Variants in POU6F2 observed in about 807,000 individuals in gnomAD.
POU6F2 encodes the protein POU domain, class 6, transcription factor 2.
POU6F2 carries 31 observed loss-of-function variants against 71.3 expected under a neutral mutation model. The observed-to-expected ratio is 0.43, with a 90% CI of 0.33 to 0.59. The LOEUF is 0.59. POU6F2 is among the 20% of genes least tolerant of loss of function. The pLI is 0.04. For synonymous variants in POU6F2, 347 were observed against 355.7 expected, an observed-to-expected ratio of 0.98 and a Z score of 0.27; for missense variants, 783 against 856.8, an observed-to-expected ratio of 0.91 and a Z score of 1.07.
At chr7:39,356,981 A>G (rs1161419348) in intron 5 of POU6F2, among the ~76,000 whole-genome samples, 1 of 152,180 alleles carries the variant, frequency 6.6e-6, no homozygotes, top group Non-Finnish European at 1.5e-5. Flanking sequence ...CCTTTTCCCT[A>G]CCATCTCAAT....
In POU6F2 at chr7:39,464,170, T is replaced by C. The variant is rs1258317653; in HGVS notation, c.1659-12T>C. ...CAGTGTAAGACTGTTCTTTCTCAATTTTCCCCCCCAGACACACCATCCTGA... is the reference window on the plus strand; with the variant it reads ...CAGTGTAAGACTGTTCTTTCTCAATCTTCCCCCCCAGACACACCATCCTGA... On this transcript the variant is annotated splice_polypyrimidine_tract_variant and intron_variant, in intron 9 of 9. Transcript: ENST00000518318. The surrounding 1 kb of genome is among the most constrained non-coding windows in gnomAD (Gnocchi z 4.1). The C allele has an allele frequency of 1.9e-6, 3 of 1,610,942 alleles. No homozygotes were observed. Among genetic ancestry groups the C allele is most frequent in the Admixed American group, 3.3e-5 (2 of 59,804 alleles).
intron 4 of POU6F2, among the ~76,000 whole-genome samples, chr7:39,281,222 C>T (rs570232614): frequency 6.6e-5 from 10 of 152,030 alleles, no homozygotes; most frequent in Non-Finnish European, 1.5e-4. Flanking sequence ...TGTCTTGATA[C>T]ATGTGTGCAT....
chr7:39,171,175 A>G (rs892549118), intron 2 of POU6F2, among the ~76,000 whole-genome samples: 14 of 151,904 alleles, frequency 9.2e-5, no homozygotes, highest in Admixed American at 6.6e-4. Context: ...ATTTGTCCTA[A>G]TGTTCTCCCT....
At chr7:39,052,710 A>C (rs1291512217) in intron 1 of POU6F2, among the ~76,000 whole-genome samples, 6 of 152,244 alleles carry the variant, frequency 3.9e-5, no homozygotes, top group Middle Eastern at 3.4e-3. Flanking sequence ...GATATATCTA[A>C]TGGCAAAGCC....
At chr7:39,060,979 T>C (rs2128716035) in intron 1 of POU6F2, among the ~76,000 whole-genome samples, 1 of 151,814 alleles carries the variant, frequency 6.6e-6, no homozygotes, top group South Asian at 2.1e-4. Context: ...TATTGAAGAC[T>C]GCAAAGAGCT....
At chr7:39,271,799 A>G (rs1784345162) in intron 4 of POU6F2, among the ~76,000 whole-genome samples, 1 of 152,224 alleles carries the variant, frequency 6.6e-6, no homozygotes, top group Non-Finnish European at 1.5e-5. Flanking sequence ...AGCCGTTCAA[A>G]TCGTCATTCA....
intron 5 of POU6F2, among the ~76,000 whole-genome samples, chr7:39,341,877 G>A (rs1785924608): frequency 6.6e-6 from 1 of 152,166 alleles, no homozygotes; most frequent in Non-Finnish European, 1.5e-5. Context: ...AAGTGACCAC[G>A]CAGCCTCATG....
chr7:39,002,084 A>T (rs1221995168), intron 1 of POU6F2: 1 of 152,258 alleles, frequency 6.6e-6, no homozygotes, highest in Non-Finnish European at 1.5e-5. Flanking sequence ...TAGAAATAAC[A>T]GACAGGATGA....
rs1793539985 is a variant in POU6F2 at position 39,186,357 on chromosome 7, G to A, written c.278-17878G>A. Among the ~76,000 whole-genome samples, 2 of 152,184 alleles carry A rather than the reference G, an allele frequency of 1.3e-5. 1 individual carries two copies. Among genetic ancestry groups the A allele is most frequent in the South Asian group, 4.1e-4 (2 of 4,832 alleles). On this transcript the variant is annotated intron_variant, in intron 2 of 9. Coordinates refer to ENST00000518318, the MANE Select transcript of POU6F2 (RefSeq NM_001370959.1). ...ACCAGCAGAATCCAGCCTGGGCTCTGAGCAAGCGTTTGCTACTTGGTTAAG... is the reference window on the plus strand; with the variant it reads ...ACCAGCAGAATCCAGCCTGGGCTCTAAGCAAGCGTTTGCTACTTGGTTAAG...
At chr7:39,402,732 C>G (rs976093918) in intron 5 of POU6F2, among the ~76,000 whole-genome samples, 1 of 152,032 alleles carries the variant, frequency 6.6e-6, no homozygotes, top group Non-Finnish European at 1.5e-5. Flanking sequence ...ATGCTCTCTA[C>G]TCTAAAATAC....
chr7:39,190,052 C>A (rs1032201840), intron 2 of POU6F2, among the ~76,000 whole-genome samples: 18 of 152,010 alleles, frequency 1.2e-4, no homozygotes, highest in Non-Finnish European at 1.9e-4. Context: ...TGCCACCATG[C>A]CTGACTAATT....
intron 2 of POU6F2, among the ~76,000 whole-genome samples, chr7:39,157,386 T>C (rs569285822): frequency 3.6e-4 from 55 of 152,232 alleles, no homozygotes; most frequent in African/African-American, 1.2e-3. Flanking sequence ...GTAAATATCA[T>C]CAGAAGCATT....
chr7:39,002,505 G>A (rs911671366), intron 1 of POU6F2, among the ~76,000 whole-genome samples: 2 of 152,142 alleles, frequency 1.3e-5, no homozygotes, highest in East Asian at 3.9e-4. Flanking sequence ...GTGCCGCTAT[G>A]CCTGGCTAAT....
intron 2 of POU6F2, among the ~76,000 whole-genome samples, chr7:39,196,446 T>A (rs140150391): frequency 3.4e-4 from 52 of 152,308 alleles, no homozygotes; most frequent in African/African-American, 1.2e-3. Flanking sequence ...TCTGTAGATA[T>A]AAGCATTCTT....
intron 1 of POU6F2, among the ~76,000 whole-genome samples, chr7:39,066,488 C>T (rs1790756175): frequency 6.6e-6 from 1 of 151,540 alleles, no homozygotes; most frequent in African/African-American, 2.4e-5. Context: ...AACTCAATAG[C>T]TTTTCTATAT....
At chr7:39,113,192 A>C (rs546006419) in intron 2 of POU6F2, among the ~76,000 whole-genome samples, 34 of 152,340 alleles carry the variant, frequency 2.2e-4, no homozygotes, top group African/African-American at 8.2e-4. Context: ...ATTGCCTGCA[A>C]AAGTCCAGGA....
At chr7:39,449,083 C>A (rs543098909) in intron 7 of POU6F2, among the ~76,000 whole-genome samples, 84 of 152,314 alleles carry the variant, frequency 5.5e-4, no homozygotes, top group African/African-American at 2.0e-3. Context: ...TGTAATCTAG[C>A]CTCTACTTCG....
At chr7:39,261,802 A>G (rs186564255) in intron 4 of POU6F2, among the ~76,000 whole-genome samples, 549 of 152,286 alleles carry the variant, frequency 3.6e-3, no homozygotes, top group African/African-American at 0.013. Flanking sequence ...CATTTTTGTC[A>G]TGTTTATGCA....
intron 4 of POU6F2, among the ~76,000 whole-genome samples, chr7:39,299,007 G>A (rs76007355): frequency 1.3e-5 from 2 of 151,936 alleles, no homozygotes; most frequent in Non-Finnish European, 2.9e-5. Flanking sequence ...GGCCTGTTAG[G>A]GGGTGGGGAG....
Sources: gnomAD v4.1 joint callset for allele counts (sites outside exome capture counted in the v4.1 genomes callset) on GRCh38, gnomAD v4.1.1 for gene constraint, Gnocchi (gnomAD v3.1) non-coding constraint, MANE v1.5 for transcripts, NCBI Gene and HGNC (gene_info 2026-07-23, HGNC 2026-07-21) for gene names.